DLGAP2: variants seen among roughly 807,000 people sequenced by gnomAD.
The protein encoded by DLGAP2 is DLG associated protein 2.
Under a neutral mutation model 100.3 loss-of-function variants are expected in DLGAP2, and 26 were observed. The observed-to-expected ratio is 0.26, with a 90% CI of 0.19 to 0.36. The LOEUF is 0.36. Ranked by LOEUF, DLGAP2 falls within the 10% of genes least tolerant of loss-of-function variation. The pLI is 1.00. For missense variants in DLGAP2, 1,858 were observed against 1,453.2 expected (o/e 1.28, Z -4.53); for synonymous variants, 886 against 630.1 (o/e 1.41, Z -6.08).
At chr8:1,647,647 A>G (rs570621167) in intron 8 of DLGAP2, among the ~76,000 whole-genome samples, 2 of 152,260 alleles carry the variant, frequency 1.3e-5, no homozygotes, top group African/African-American at 4.8e-5. Context: ...ATAGCTTATC[A>G]TCACTGAAGA....
At chr8:1,630,618 C>T (rs538011511) in intron 7 of DLGAP2, among the ~76,000 whole-genome samples, 8 of 151,750 alleles carry the variant, frequency 5.3e-5, no homozygotes, top group Admixed American at 2.0e-4. Flanking sequence ...AGGAGAATGG[C>T]GTGAATCCGG....
At chr8:920,766 C>G (rs1176246101) in intron 2 of DLGAP2, among the ~76,000 whole-genome samples, 3 of 152,088 alleles carry the variant, frequency 2.0e-5, no homozygotes, top group Non-Finnish European at 4.4e-5. Flanking sequence ...GCCTGGGTGA[C>G]AGAGCGGAAC....
chr8:1,027,687 G>A (rs1435852071), intron 2 of DLGAP2, among the ~76,000 whole-genome samples: 1 of 146,348 alleles, frequency 6.8e-6, no homozygotes, highest in Non-Finnish European at 1.5e-5. Flanking sequence ...GGTGCCAGGC[G>A]CCCGTTATTC....
intron 3 of DLGAP2, among the ~76,000 whole-genome samples, chr8:1,337,630 A>C (rs1030063574): frequency 1.3e-5 from 2 of 151,790 alleles, no homozygotes; most frequent in African/African-American, 2.4e-5. Flanking sequence ...TCATCCCCCC[A>C]AAAAATGGTT....
chr8:923,889 G>T (rs929356095), intron 2 of DLGAP2, among the ~76,000 whole-genome samples: 4 of 152,226 alleles, frequency 2.6e-5, no homozygotes, highest in Non-Finnish European at 5.9e-5. Flanking sequence ...CTGCTGTGTG[G>T]CAGGCAGAAA....
At chr8:1,319,936 G>A (rs1245118897) in intron 3 of DLGAP2, among the ~76,000 whole-genome samples, 9 of 152,302 alleles carry the variant, frequency 5.9e-5, no homozygotes, top group South Asian at 2.1e-4. Flanking sequence ...TTGAGAATGT[G>A]CCAGGACTTA....
At position 802,216 on chromosome 8, in the gene DLGAP2, A is replaced by C. The variant is rs113580932; in HGVS notation, c.18+64391A>C. Among the ~76,000 whole-genome samples the C allele has an allele frequency of 9.1e-4, 24 of 26,448 alleles. 1 individual carries two copies. The highest frequency in any genetic ancestry group is 1.4e-3 in the Admixed American group (3 of 2,188). The allele number at this position is 26,448 out of a possible 152,430, so 17.4% of individuals were successfully genotyped here. A position where few individuals can be genotyped will look rare whatever the true frequency, so the allele number is the denominator to read the frequency against. ...GGTCTGCACTCCTCCTGGGCCCTCC[A>C]TCCTCATGGCCTGGGGAATGGTCTG... On this transcript the variant is annotated intron_variant, in intron 1 of 14. Transcript: ENST00000637795.
chr8:1,525,790 C>G (rs1341076142), intron 4 of DLGAP2, among the ~76,000 whole-genome samples: 1 of 152,202 alleles, frequency 6.6e-6, no homozygotes, highest in Non-Finnish European at 1.5e-5. Flanking sequence ...GGCCTCATCT[C>G]TTGTGTGACA....
intron 2 of DLGAP2, among the ~76,000 whole-genome samples, chr8:1,210,460 G>C (rs73540184): frequency 0.011 from 1,666 of 152,308 alleles, 33 homozygotes; most frequent in African/African-American, 0.038. Context: ...GCAGGAGTGT[G>C]TGGGGGGAAG....
chr8:1,209,663 C>T (rs775529917), intron 2 of DLGAP2, among the ~76,000 whole-genome samples: 8 of 152,172 alleles, frequency 5.3e-5, no homozygotes, highest in Non-Finnish European at 7.3e-5. Flanking sequence ...ACCTCCTATT[C>T]CAAGCACTCT....
chr8:1,094,433 A>G (rs1804298407), intron 2 of DLGAP2, among the ~76,000 whole-genome samples: 2 of 152,262 alleles, frequency 1.3e-5, no homozygotes, highest in Non-Finnish European at 1.5e-5. Flanking sequence ...CTGTCAGTAC[A>G]GAGAATGAAT....
At chr8:1,204,727 G>T (rs1797953729) in intron 2 of DLGAP2, among the ~76,000 whole-genome samples, 1 of 152,174 alleles carries the variant, frequency 6.6e-6, no homozygotes, top group Non-Finnish European at 1.5e-5. Flanking sequence ...GGATGGAGAT[G>T]GATGAGGCAG....
At position 821,987 on chromosome 8, in the gene DLGAP2, T is replaced by C. The variant is rs1796591816; in HGVS notation, c.18+84162T>C. The C allele has an allele frequency of 1.0e-5, 4 of 396,240 alleles. No homozygotes were observed. In the East Asian group the frequency reaches 1.4e-4, roughly 14 times the overall value. The allele number at this position is 396,240 out of a possible 1,614,324, so 24.5% of individuals were successfully genotyped here. On this transcript the variant is annotated intron_variant, in intron 1 of 14. Transcript: ENST00000637795. ...ATTGCTCTTTTCAGCTGATTAATTA[T>C]TGCTTAGTCTCACTTTTTAATGTAC...
rs535431262 is a variant in DLGAP2 at position 856,677 on chromosome 8, A to G, written c.19-51235A>G. ...TTAAGTAAAAGTTGAACAAAATAGCATAAGATCTATATGAGGAAAACTACA... is the reference window on the plus strand; with the variant it reads ...TTAAGTAAAAGTTGAACAAAATAGCGTAAGATCTATATGAGGAAAACTACA... On this transcript the variant is annotated intron_variant, in intron 1 of 14. Coordinates refer to ENST00000637795, the MANE Select transcript of DLGAP2 (RefSeq NM_001346810.2). Among the ~76,000 whole-genome samples the G allele has an allele frequency of 2.0e-5, 3 of 152,364 alleles. No individual in the cohort carries two copies. In the South Asian group the frequency reaches 6.2e-4, roughly 32 times the overall value.
rs569424861 is a variant in DLGAP2, at chr8:946,408, C to T, written c.73+38442C>T. On this transcript the variant is annotated intron_variant, in intron 2 of 14. Transcript: ENST00000637795. ...ACTCCCGAGTGTCTGGGACTACAGG[C>T]GCCCGCCACCACGCCCGGCTAATTT... Among the ~76,000 whole-genome samples the T allele has an allele frequency of 4.6e-5, 7 of 152,040 alleles. No individual in the cohort carries two copies. In the South Asian group the frequency reaches 1.0e-3, roughly 23 times the overall value.
chr8:1,072,425 G>T (rs923967951), intron 2 of DLGAP2, among the ~76,000 whole-genome samples: 5 of 152,028 alleles, frequency 3.3e-5, no homozygotes, highest in Non-Finnish European at 5.9e-5. Flanking sequence ...ATCTTTACTG[G>T]GTGTCCTCCA....
intron 3 of DLGAP2, among the ~76,000 whole-genome samples, chr8:1,479,241 C>T (rs1205264828): frequency 6.6e-6 from 1 of 152,200 alleles, no homozygotes; most frequent in Admixed American, 6.5e-5. Context: ...TGCAGGACTT[C>T]CTGACCTTTA....
intron 1 of DLGAP2, among the ~76,000 whole-genome samples, chr8:774,881 T>G (rs1295159656): frequency 3.4e-5 from 5 of 148,390 alleles, no homozygotes; most frequent in South Asian, 2.2e-4. Flanking sequence ...TCCAATTCTG[T>G]GAAGAAAGGC....
At chr8:1,374,066 A>C (rs1294553476) in intron 3 of DLGAP2, among the ~76,000 whole-genome samples, 1 of 151,872 alleles carries the variant, frequency 6.6e-6, no homozygotes. Flanking sequence ...TTAGGTTTGC[A>C]GACGGCTGTG....
Sources: gnomAD v4.1 joint callset for allele counts (sites outside exome capture counted in the v4.1 genomes callset) on GRCh38, gnomAD v4.1.1 for gene constraint, MANE v1.5 for transcripts, NCBI Gene and HGNC (gene_info 2026-07-23, HGNC 2026-07-21) for gene names.